The following CNTNAP2 variants were observed in gnomAD, a reference collection of about 807,000 sequenced individuals.
CNTNAP2 encodes the protein contactin-associated protein-like 2.
In CNTNAP2, 98 loss-of-function variants were observed where a neutral mutation model predicts 155.2. The observed-to-expected ratio is 0.63, with a 90% CI of 0.54 to 0.75. The LOEUF (loss-of-function observed/expected upper bound fraction) is 0.75. Among genes scored for constraint, CNTNAP2 ranks in the 30% least tolerant of loss-of-function variants. The pLI, the probability that CNTNAP2 is intolerant of heterozygous loss-of-function variation, is 0.00. For missense variants in CNTNAP2, 1,727 were observed against 1,688.1 expected, an observed-to-expected ratio of 1.02 and a Z score of -0.40; for synonymous variants, 651 against 631.2, an observed-to-expected ratio of 1.03 and a Z score of -0.47.
At chr7:147,997,842 G>A (rs1386068545) in intron 15 of CNTNAP2, among the ~76,000 whole-genome samples, 3 of 152,110 alleles carry the variant, frequency 2.0e-5, no homozygotes, top group Non-Finnish European at 4.4e-5. Context: ...CGCAGTAGCC[G>A]CACATGCGTG....
intron 9 of CNTNAP2, among the ~76,000 whole-genome samples, chr7:147,386,820 C>A (rs1258568475): frequency 1.3e-5 from 2 of 152,132 alleles, no homozygotes; most frequent in East Asian, 3.9e-4. Context: ...TCTACTGGTA[C>A]CAGTTTACTG....
intron 13 of CNTNAP2, among the ~76,000 whole-genome samples, chr7:147,786,115 C>A (rs773355384): frequency 6.6e-6 from 1 of 151,882 alleles, no homozygotes; most frequent in Non-Finnish European, 1.5e-5. Flanking sequence ...CATGGTGAAA[C>A]CCCGTCTCTA....
At chr7:146,378,379 CGATGATGATGATGATGGTGAT>C (rs1430078739) in intron 1 of CNTNAP2, among the ~76,000 whole-genome samples, 3 of 151,968 alleles carry the variant, frequency 2.0e-5, no homozygotes, top group Non-Finnish European at 2.9e-5. Context: ...TAGATCATGA[CGATGATGATGATGATGGTGAT>C]GATGATGATG....
At chr7:147,046,900 C>T (rs1302134348) in intron 4 of CNTNAP2, among the ~76,000 whole-genome samples, 2 of 150,610 alleles carry the variant, frequency 1.3e-5, no homozygotes, top group African/African-American at 4.9e-5. Context: ...GGCATTGTGG[C>T]GGGCGCCTGT....
At chr7:146,842,167 G>C (rs567477941) in intron 3 of CNTNAP2, among the ~76,000 whole-genome samples, 2 of 152,016 alleles carry the variant, frequency 1.3e-5, no homozygotes, top group Non-Finnish European at 2.9e-5. Context: ...GATTCCAGGC[G>C]TGAGCCACTG....
At chr7:146,237,984 A>G (rs759333648) in intron 1 of CNTNAP2, among the ~76,000 whole-genome samples, 8 of 152,172 alleles carry the variant, frequency 5.3e-5, no homozygotes, top group Non-Finnish European at 1.0e-4. Flanking sequence ...AAATCTAAAT[A>G]TCTGTCTTTG....
intron 8 of CNTNAP2, among the ~76,000 whole-genome samples, chr7:147,272,523 G>C (rs751593335): frequency 3.3e-5 from 5 of 151,650 alleles, no homozygotes; most frequent in Non-Finnish European, 7.4e-5. Flanking sequence ...TTTCGAGACA[G>C]AGTCCGGCTC....
chr7:146,782,789 GA>G (rs1233799500), intron 2 of CNTNAP2, among the ~76,000 whole-genome samples: 1 of 152,060 alleles, frequency 6.6e-6, no homozygotes, highest in East Asian at 1.9e-4. Flanking sequence ...ATGTTGCATT[GA>G]AATATTAGTC....
At chr7:147,491,816 G>A (rs1798614286) in intron 11 of CNTNAP2, among the ~76,000 whole-genome samples, 1 of 152,068 alleles carries the variant, frequency 6.6e-6, no homozygotes, top group Non-Finnish European at 1.5e-5. Context: ...CAAAATATGG[G>A]TAAATGGAAG....
At chr7:147,051,627 A>C (rs1799475440) in intron 4 of CNTNAP2, among the ~76,000 whole-genome samples, 4 of 152,176 alleles carry the variant, frequency 2.6e-5, no homozygotes, top group African/African-American at 9.6e-5. Flanking sequence ...CACAGAGGTA[A>C]GAACATAATT....
rs1797914379 is a variant in CNTNAP2 at position 146,539,182 on chromosome 7, A to G, written c.98-235089A>G. ...CGACACAGAATGATTATCAACGTATATATCCCTTGTGTAGATGTAGTATTC... is the reference window on the plus strand; with the variant it reads ...CGACACAGAATGATTATCAACGTATGTATCCCTTGTGTAGATGTAGTATTC... On this transcript the variant is annotated intron_variant, in intron 1 of 23. Transcript: ENST00000361727. Among the ~76,000 whole-genome samples, 5 of 152,122 alleles carry G rather than the reference A, an allele frequency of 3.3e-5. No individual in the cohort carries two copies. In the South Asian group the frequency reaches 1.0e-3, roughly 31 times the overall value.
chr7:146,486,046 C>CTTTTTTTTTTTTTTTT (rs71175651), intron 1 of CNTNAP2, among the ~76,000 whole-genome samples: 2 of 42,606 alleles, frequency 4.7e-5, no homozygotes, highest in African/African-American at 8.4e-5. Flanking sequence ...CCACAGCAGT[C>CTTTTTTTTTTTTTTTT]TTTTTTTTTT....
chr7:147,654,888 A>G (rs1795502998), intron 13 of CNTNAP2, among the ~76,000 whole-genome samples: 1 of 126,798 alleles, frequency 7.9e-6, no homozygotes, highest in African/African-American at 3.2e-5. Flanking sequence ...ATCTTGGCTC[A>G]CTGCTGCAAC....
Position 147,176,794 on chromosome 7 carries a change from T to C in CNTNAP2, c.1348+44285T>C, listed in dbSNP as rs1230157345. On this transcript the variant is annotated intron_variant, in intron 8 of 23. Coordinates refer to ENST00000361727, the MANE Select transcript of CNTNAP2 (RefSeq NM_014141.6). ...AGAATTATATATAATTATAATTATA[T>C]ATTATAATATATAATAGATATAGAA... Among the ~76,000 whole-genome samples the C allele has an allele frequency of 9.8e-5, 12 of 122,082 alleles. No individual in the cohort carries two copies. The East Asian group carries it at 2.3e-3, about 24-fold the overall frequency. The allele number at this position is 122,082 out of a possible 152,430, so 80.1% of individuals were successfully genotyped here.
At chr7:148,370,233 C>A (rs1209647963) in intron 21 of CNTNAP2, among the ~76,000 whole-genome samples, 1 of 152,148 alleles carries the variant, frequency 6.6e-6, no homozygotes, top group Non-Finnish European at 1.5e-5. Flanking sequence ...ATAAAGATGC[C>A]CATTTCCAAA....
chr7:147,459,236 G>T (rs1256225052), intron 10 of CNTNAP2, among the ~76,000 whole-genome samples: 9 of 152,158 alleles, frequency 5.9e-5, no homozygotes, highest in Admixed American at 5.2e-4. Context: ...TAGTGGGACA[G>T]CCCAGCCATC....
intron 1 of CNTNAP2, among the ~76,000 whole-genome samples, chr7:146,544,621 AGTT>A (rs1414110014): frequency 6.6e-6 from 1 of 151,962 alleles, no homozygotes; most frequent in Non-Finnish European, 1.5e-5. Flanking sequence ...CTAGGATCTC[AGTT>A]GATTAGGCTT....
rs1373486065 is a variant in CNTNAP2, at chr7:146,643,570, G to A, written c.98-130701G>A. On this transcript the variant is annotated intron_variant, in intron 1 of 23. Transcript: ENST00000361727. The stretch of plus-strand genomic sequence containing the variant: ...CTGTTTTGGTTACTGTAGCCTTGTA[G>A]TATAGTTTGAAGTCAGGTAGCGTGA... Among the ~76,000 whole-genome samples the A allele has an allele frequency of 3.3e-5, 5 of 152,116 alleles. No individual in the cohort carries two copies. In the East Asian group the frequency reaches 9.7e-4, roughly 30 times the overall value.
chr7:147,745,569 G>A (rs563471517), intron 13 of CNTNAP2, among the ~76,000 whole-genome samples: 3 of 152,196 alleles, frequency 2.0e-5, no homozygotes, highest in East Asian at 1.9e-4. Flanking sequence ...CCAATTACAC[G>A]ATGTCTTAAC....
Sources: allele counts gnomAD v4.1 joint callset (sites outside exome capture counted in the v4.1 genomes callset), GRCh38; gene constraint gnomAD v4.1.1; transcripts MANE v1.5; gene names NCBI Gene and HGNC (gene_info 2026-07-23, HGNC 2026-07-21).